ZNF277: variants seen among roughly 807,000 people sequenced by gnomAD.
ZNF277 encodes nuclear receptor-interacting factor 4.
In ZNF277, 55 loss-of-function variants were observed where a neutral mutation model predicts 60.7. The ratio of observed to expected loss-of-function variants is 0.91; its 90% CI spans 0.73 to 1.13. The LOEUF (loss-of-function observed/expected upper bound fraction) is 1.13. Among genes scored for constraint, ZNF277 ranks in the 50% most tolerant of loss-of-function variants. ZNF277 has a pLI of 0.00. For synonymous variants in ZNF277, 178 were observed against 179.3 expected (o/e 0.99, Z 0.06); for missense variants, 510 against 523.0 (o/e 0.98, Z 0.24).
Position 112,327,294 on chromosome 7 carries a change from C to T in ZNF277, c.558-423C>T, listed in dbSNP as rs533691697. ...AGAAGTACACAACCTAGATCCCTCG[C>T]ATGCACAGTTTACAAAAGGGTTCGC... On this transcript the variant is annotated intron_variant, in intron 5 of 11. Transcript: ENST00000361822. 1.4e-3 allele frequency among the ~76,000 whole-genome samples: 220 copies of T among 152,312 alleles called. 1 individual carries two copies. Among genetic ancestry groups the T allele is most frequent in the African/African-American group, 5.1e-3 (211 of 41,562 alleles).
chr7:112,275,381 T>G (rs1791769134), intron 1 of ZNF277, among the ~76,000 whole-genome samples: 1 of 152,116 alleles, frequency 6.6e-6, no homozygotes, highest in African/African-American at 2.4e-5. Flanking sequence ...GTAGAGAAAA[T>G]GAAATGTCTT....
In ZNF277 at chr7:112,315,269, T is replaced by C. The variant is rs114274761; in HGVS notation, c.466-2913T>C. On this transcript the variant is annotated intron_variant, in intron 4 of 11. Coordinates refer to ENST00000361822, the MANE Select transcript of ZNF277 (RefSeq NM_021994.3). ...TATTCTTAGAATTTGATGATCTGTT[T>C]TTCCTTAGCTGAGTTTTGGGAGTCC... Among the ~76,000 whole-genome samples, 142 of 152,260 alleles carry C rather than the reference T, an allele frequency of 9.3e-4. 1 individual carries two copies. The highest frequency in any genetic ancestry group is 3.3e-3 in the African/African-American group (137 of 41,572).
At chr7:112,313,321 C>T (rs2117104000) in intron 4 of ZNF277, among the ~76,000 whole-genome samples, 1 of 151,042 alleles carries the variant, frequency 6.6e-6, no homozygotes, top group African/African-American at 2.4e-5. Flanking sequence ...GCTGTCTTGC[C>T]CAGGCTGGAG....
chr7:112,249,607 T>C (rs1196067940), intron 1 of ZNF277, among the ~76,000 whole-genome samples: 1 of 152,152 alleles, frequency 6.6e-6, no homozygotes, highest in East Asian at 1.9e-4. Context: ...AGTTGAGTAT[T>C]GCGGGAAGTC....
intron 1 of ZNF277, among the ~76,000 whole-genome samples, chr7:112,269,273 G>C (rs1366928821): frequency 1.3e-5 from 2 of 150,894 alleles, no homozygotes; most frequent in African/African-American, 2.4e-5. Flanking sequence ...TTTGATATCA[G>C]TGTCTTTTTT....
At chr7:112,217,349 C>CAAGTCAAT (rs1279137425) in intron 1 of ZNF277, among the ~76,000 whole-genome samples, 1 of 152,166 alleles carries the variant, frequency 6.6e-6, no homozygotes, top group Non-Finnish European at 1.5e-5. Context: ...CAACAAGTAT[C>CAAGTCAAT]AAGTCAATAC....
intron 1 of ZNF277, among the ~76,000 whole-genome samples, chr7:112,264,114 A>C (rs1293542091): frequency 2.0e-5 from 3 of 152,134 alleles, no homozygotes; most frequent in Non-Finnish European, 4.4e-5. Context: ...TGCCAGCCAC[A>C]ATGACCTTTT....
chr7:112,283,421 G>T (rs530609767), intron 1 of ZNF277, among the ~76,000 whole-genome samples: 41 of 152,120 alleles, frequency 2.7e-4, no homozygotes, highest in Non-Finnish European at 5.1e-4. Flanking sequence ...TACTCGGAAG[G>T]CTGACACAGG....
intron 2 of ZNF277, among the ~76,000 whole-genome samples, chr7:112,295,601 C>T (rs1219425985): frequency 6.6e-6 from 1 of 151,956 alleles, no homozygotes; most frequent in Non-Finnish European, 1.5e-5. Flanking sequence ...TTTAACTTTC[C>T]TATATGTCTG....
intron 1 of ZNF277, among the ~76,000 whole-genome samples, chr7:112,208,650 T>C (rs2040726): frequency 0.048 from 7,076 of 146,446 alleles, 539 homozygotes; most frequent in African/African-American, 0.15. Flanking sequence ...CATATTCTTA[T>C]ATGACACACG....
chr7:112,239,718 G>C (rs777439271), intron 1 of ZNF277, among the ~76,000 whole-genome samples: 2 of 152,162 alleles, frequency 1.3e-5, no homozygotes, highest in African/African-American at 2.4e-5. Context: ...TGAACTATAA[G>C]AAATCATCTG....
intron 1 of ZNF277, among the ~76,000 whole-genome samples, chr7:112,242,270 T>C (rs1196899084): frequency 6.6e-6 from 1 of 151,818 alleles, no homozygotes; most frequent in Non-Finnish European, 1.5e-5. Context: ...AAATAATAAA[T>C]GCAGTAAATG....
chr7:112,307,496 C>T (rs780714303), intron 4 of ZNF277, among the ~76,000 whole-genome samples: 2 of 151,206 alleles, frequency 1.3e-5, no homozygotes, highest in Non-Finnish European at 3.0e-5. Flanking sequence ...CTCACTGCAG[C>T]CTCCGCCTCC....
chr7:112,215,031 C>G (rs1210238569), intron 1 of ZNF277, among the ~76,000 whole-genome samples: 1 of 152,114 alleles, frequency 6.6e-6, no homozygotes, highest in Non-Finnish European at 1.5e-5. Context: ...CTCTATGAAT[C>G]TTGAGGCACT....
chr7:112,226,794 T>G (rs1428034577), intron 1 of ZNF277, among the ~76,000 whole-genome samples: 1 of 152,250 alleles, frequency 6.6e-6, no homozygotes, highest in Non-Finnish European at 1.5e-5. Context: ...GTTTATTAAT[T>G]AAATGATAAA....
chr7:112,219,937 G>A (rs920922669), intron 1 of ZNF277, among the ~76,000 whole-genome samples: 1 of 152,220 alleles, frequency 6.6e-6, no homozygotes, highest in African/African-American at 2.4e-5. Flanking sequence ...AAACCCAGCT[G>A]CTATGCTGTT....
chr7:112,274,097 A>G (rs2117042716), intron 1 of ZNF277, among the ~76,000 whole-genome samples: 1 of 151,912 alleles, frequency 6.6e-6, no homozygotes, highest in East Asian at 1.9e-4. Context: ...CATGTTCAAA[A>G]ATAAGAATTT....
chr7:112,327,826 A>G lies in ZNF277; in HGVS notation c.667A>G (p.Asn223Asp). ...GTGTACATTACAGAAAAAGCTTGAC[A>G]AGTAAGTACTGATTTATGAAACACT... ...FLCTLQKKLD[N>D]LQCLYCEKTF... is the part of the protein sequence containing the mutation. The change falls in exon 6 of 12, where the codon AAT becomes GAT. Residue 223 changes from asparagine to aspartate, a missense_variant and splice_region_variant. By Grantham distance (23) the Asn-to-Asp change is conservative. Coordinates refer to ENST00000361822, the MANE Select transcript of ZNF277 (RefSeq NM_021994.3). The G allele has an allele frequency of 1.9e-6, 3 of 1,595,262 alleles. No homozygotes were observed. Among genetic ancestry groups the G allele is most frequent in the Non-Finnish European group, 2.6e-6 (3 of 1,168,342 alleles).
At chr7:112,243,932 A>T (rs1412567061) in intron 1 of ZNF277, among the ~76,000 whole-genome samples, 1 of 152,140 alleles carries the variant, frequency 6.6e-6, no homozygotes, top group Admixed American at 6.5e-5. Flanking sequence ...GGATAAAGAA[A>T]ATATAGTGTT....
Sources: gnomAD v4.1 joint callset for allele counts (sites outside exome capture counted in the v4.1 genomes callset) on GRCh38, gnomAD v4.1.1 for gene constraint, MANE v1.5 for transcripts, NCBI Gene and HGNC (gene_info 2026-07-23, HGNC 2026-07-21) for gene names.